ENG: variants seen among roughly 807,000 people sequenced by gnomAD.
The protein encoded by ENG is endoglin, also known as CD105 antigen.
In ENG, 17 loss-of-function variants were observed where a neutral mutation model predicts 71.0. That is an observed-to-expected ratio of 0.24 (90% CI 0.16 to 0.36). The LOEUF is 0.36. Among genes scored for constraint, ENG ranks in the 10% least tolerant of loss-of-function variants. The probability of loss-of-function intolerance (pLI) is 1.00; values close to 1 mark genes in which losing one functional copy is unlikely to be tolerated. For missense variants in ENG, 749 were observed against 868.3 expected, an observed-to-expected ratio of 0.86 and a Z score of 1.73; for synonymous variants, 360 against 366.9, an observed-to-expected ratio of 0.98 and a Z score of 0.21.
At chr9:127,826,420 T>G in intron 4 of ENG, 90 bp downstream of exon 4, 1 of 1,556,342 alleles carries the variant, frequency 6.4e-7, no homozygotes, top group Non-Finnish European at 8.8e-7. Flanking sequence ...TCCTGCACTC[T>G]TGGTGCCCAA....
intron 4 of ENG, 91 bp from the exon 5 acceptor site, chr9:127,825,951 G>A: frequency 6.6e-7 from 1 of 1,510,520 alleles, no homozygotes; most frequent in South Asian, 1.2e-5. Flanking sequence ...ATAGTGGTGG[G>A]GCAGGCAGGA....
In ENG at chr9:127,846,355, C is replaced by T. The variant is rs983985669; in HGVS notation, c.68-3110G>A. On this transcript the variant is annotated intron_variant, in intron 1 of 14. Coordinates refer to ENST00000373203, the MANE Select transcript of ENG (RefSeq NM_001114753.3). This position sits in a 1 kb window ranked among gnomAD's most constrained non-coding sequence, Gnocchi z 5.5. ...AGGGACGGGACAGGTCAAAGTCTCA[C>T]AGCACATGGTTGACCAGGCCGGGCC... 6.6e-6 allele frequency among the ~76,000 whole-genome samples: 1 copy of T among 152,340 alleles called. No individual in the cohort carries two copies. The highest frequency in any genetic ancestry group is 6.5e-5 in the Admixed American group (1 of 15,310).
At chr9:127,817,915 G>C (rs1343672575) in intron 12 of ENG, 1 of 678,572 alleles carries the variant, frequency 1.5e-6, no homozygotes. Flanking sequence ...TAGTCTGCCA[G>C]TGCCCCAGAC....
intron 2 of ENG, among the ~76,000 whole-genome samples, chr9:127,835,823 G>A (rs1284635068): frequency 6.6e-6 from 1 of 152,176 alleles, no homozygotes; most frequent in Non-Finnish European, 1.5e-5. Context: ...GTCTGTGAGG[G>A]GTGACGAGGA....
chr9:127,834,042 T>G (rs1212268712), intron 2 of ENG, among the ~76,000 whole-genome samples: 1 of 152,196 alleles, frequency 6.6e-6, no homozygotes, highest in Non-Finnish European at 1.5e-5. Context: ...ACAATTTTTT[T>G]TTTCATTTTA....
At chr9:127,835,358 C>G (rs895626001) in intron 2 of ENG, among the ~76,000 whole-genome samples, 3 of 152,180 alleles carry the variant, frequency 2.0e-5, no homozygotes, top group Admixed American at 6.5e-5. Context: ...GCCTGCATTC[C>G]CTGGACCATG....
chr9:127,825,990 A>G, intron 4 of ENG, 130 bp from the exon 5 acceptor site: 1 of 1,260,544 alleles, frequency 7.9e-7, no homozygotes, highest in Non-Finnish European at 1.1e-6. Flanking sequence ...GAGGCGTCAG[A>G]GGACCTAGGT....
At chr9:127,834,174 G>A (rs1196180072) in intron 2 of ENG, among the ~76,000 whole-genome samples, 2 of 152,198 alleles carry the variant, frequency 1.3e-5, no homozygotes, top group East Asian at 3.8e-4. Context: ...CTGGGTTCAA[G>A]CAATTGTCCT....
At chr9:127,853,837 C>T (rs761237936) in intron 1 of ENG, among the ~76,000 whole-genome samples, 2 of 152,250 alleles carry the variant, frequency 1.3e-5, no homozygotes, top group Non-Finnish European at 2.9e-5. Context: ...GGCCCGAAGG[C>T]AGTCCCCCAG....
intron 2 of ENG, among the ~76,000 whole-genome samples, chr9:127,839,025 C>T (rs961316438): frequency 6.6e-6 from 1 of 152,202 alleles, no homozygotes; most frequent in Non-Finnish European, 1.5e-5. Flanking sequence ...CCACCACCCC[C>T]ACTACCACGT....
rs769754305 is a variant in ENG at position 127,818,393 on chromosome 9, G to A, written c.1429-16C>T. Reference sequence around the variant, plus strand: ...ACACTCTGACCTGCATGGGTAGGTAGGGCCACGCGGCATGGGCAGCTGCTC... The same window carrying A: ...ACACTCTGACCTGCATGGGTAGGTAAGGCCACGCGGCATGGGCAGCTGCTC... On this transcript the variant is annotated splice_polypyrimidine_tract_variant and intron_variant, in intron 11 of 14. Coordinates refer to ENST00000373203, the MANE Select transcript of ENG (RefSeq NM_001114753.3). The A allele has an allele frequency of 1.9e-6, 3 of 1,612,324 alleles. No homozygotes were observed. The highest frequency in any genetic ancestry group is 2.2e-5 in the East Asian group (1 of 44,882).
At chr9:127,850,300 A>T (rs1424173781) in intron 1 of ENG, among the ~76,000 whole-genome samples, 1 of 152,230 alleles carries the variant, frequency 6.6e-6, no homozygotes, top group Non-Finnish European at 1.5e-5. Context: ...GGCAAGGAGG[A>T]GCTGGCATTA....
intron 1 of ENG, among the ~76,000 whole-genome samples, chr9:127,844,066 C>T (rs1429481123): frequency 6.1e-5 from 9 of 146,426 alleles, no homozygotes; most frequent in East Asian, 2.0e-4. Flanking sequence ...CCACCGTGCC[C>T]GGCCAGCCTC....
At position 127,816,056 on chromosome 9, in the gene ENG, A is replaced by G. The variant is rs1830305046; in HGVS notation, c.1742-3T>C. 13 of 1,608,648 alleles carry G rather than the reference A, an allele frequency of 8.1e-6. No homozygotes were observed. The highest frequency in any genetic ancestry group is 1.1e-5 in the Non-Finnish European group (13 of 1,178,738). ...GACGAGGCCTTTGCTTGTGCAACCT[A>G]GAGAGGGCCGACGCCATCAGCACTG... is the stretch of plus-strand genomic sequence containing the variant. On this transcript the variant is annotated splice_polypyrimidine_tract_variant and splice_region_variant and intron_variant, in intron 13 of 14. Transcript: ENST00000373203.
rs139705758 is a variant in ENG, at chr9:127,851,747, C to T, written c.67+2542G>A. On this transcript the variant is annotated intron_variant, in intron 1 of 14. Transcript: ENST00000373203. ...TACAAAAATTAGGCGGGTGTGGGGC[C>T]GGCGCCTGTAGTCCCAGCTACTCGA... is the stretch of plus-strand genomic sequence containing the variant. Among the ~76,000 whole-genome samples the T allele has an allele frequency of 9.9e-5, 15 of 151,868 alleles. No homozygotes were observed. The East Asian group carries it at 2.6e-3, about 26-fold the overall frequency.
At chr9:127,820,705 C>T (rs1038182551) in intron 8 of ENG, among the ~76,000 whole-genome samples, 8 of 150,868 alleles carry the variant, frequency 5.3e-5, no homozygotes, top group Non-Finnish European at 8.9e-5. Context: ...GGCGGGCTCC[C>T]GTAGTCCCAG....
Position 127,825,692 on chromosome 9 carries a change from T to A in ENG, c.689+3A>T, listed in dbSNP as rs1367345326. ...AGTGTCAGGGGCGGGGCGAGAGCCATACCCGGCCGAGTGGCCCGGCAGGAC... is the reference window on the plus strand; with the variant it reads ...AGTGTCAGGGGCGGGGCGAGAGCCAAACCCGGCCGAGTGGCCCGGCAGGAC... On this transcript the variant is annotated splice_donor_region_variant and intron_variant, in intron 5 of 14. Coordinates refer to ENST00000373203, the MANE Select transcript of ENG (RefSeq NM_001114753.3). 1.9e-6 allele frequency: 3 copies of A among 1,575,250 alleles called. No homozygotes were observed. Among genetic ancestry groups the A allele is most frequent in the East Asian group, 4.5e-5 (2 of 44,092 alleles).
At chr9:127,844,819 C>T (rs1409188028) in intron 1 of ENG, among the ~76,000 whole-genome samples, 1 of 152,218 alleles carries the variant, frequency 6.6e-6, no homozygotes, top group African/African-American at 2.4e-5. Context: ...AGGAGCTGAG[C>T]TCAGGAGACA....
At chr9:127,831,158 C>T (rs1830754823) in intron 2 of ENG, among the ~76,000 whole-genome samples, 1 of 144,458 alleles carries the variant, frequency 6.9e-6, no homozygotes, top group South Asian at 2.1e-4. Context: ...ACGTAAATAC[C>T]ATTTTTTTTT....
Sources: allele counts gnomAD v4.1 joint callset (sites outside exome capture counted in the v4.1 genomes callset), GRCh38; gene constraint gnomAD v4.1.1; non-coding constraint Gnocchi (gnomAD v3.1); transcripts MANE v1.5; gene names NCBI Gene and HGNC (gene_info 2026-07-23, HGNC 2026-07-21).